Variants in C8orf74 observed in about 807,000 individuals in gnomAD.
C8orf74 encodes the protein uncharacterized protein C8orf74.
A neutral mutation model predicts 22.2 loss-of-function variants in C8orf74; 29 were observed. The observed-to-expected ratio is 1.31, with a 90% CI of 0.97 to 1.78. The LOEUF (loss-of-function observed/expected upper bound fraction) is 1.78, where lower values mean the gene tolerates loss of function less well. Ranked by LOEUF, C8orf74 falls within the 40% of genes most tolerant of loss-of-function variation. The pLI is 0.00. For missense variants in C8orf74, 515 were observed against 369.9 expected, an observed-to-expected ratio of 1.39 and a Z score of -3.22; for synonymous variants, 255 against 163.1, an observed-to-expected ratio of 1.56 and a Z score of -4.30.
chr8:10,698,693 T>C (rs1799585116), intron 3 of C8orf74, among the ~76,000 whole-genome samples: 1 of 152,180 alleles, frequency 6.6e-6, no homozygotes, highest in South Asian at 2.1e-4. Context: ...TAGCTATACA[T>C]AGGCACTGAA....
chr8:10,697,897 C>T lies in C8orf74; in HGVS notation c.540C>T (p.Ala180=), dbSNP rs765971938. 3 of 1,608,438 alleles carry T rather than the reference C, an allele frequency of 1.9e-6. No homozygotes were observed. Among genetic ancestry groups the T allele is most frequent in the South Asian group, 2.2e-5 (2 of 90,906 alleles). ...TLTEAEAQKR[A]DVLLLKEALR... ...CGGAGGCCGAGGCACAGAAGCGCGCCGACGTGCTGCTCCTGAAAGAGGCGC... is the reference window on the plus strand; with the variant it reads ...CGGAGGCCGAGGCACAGAAGCGCGCTGACGTGCTGCTCCTGAAAGAGGCGC... The change falls in exon 3 of 4, where the codon GCC becomes GCT. Residue 180 remains alanine, a synonymous_variant. Transcript: ENST00000304519.
At chr8:10,682,246 G>C (rs1318394048) in intron 2 of C8orf74, among the ~76,000 whole-genome samples, 1 of 152,208 alleles carries the variant, frequency 6.6e-6, no homozygotes, top group Non-Finnish European at 1.5e-5. Context: ...GATGGTGGAA[G>C]TCTCCACAGC....
intron 3 of C8orf74, among the ~76,000 whole-genome samples, chr8:10,699,866 A>G (rs1799615871): frequency 6.6e-6 from 1 of 152,236 alleles, no homozygotes; most frequent in South Asian, 2.1e-4. Flanking sequence ...AACAAATGAC[A>G]CACTCAAACA....
At chr8:10,688,464 A>G (rs1294463383) in intron 2 of C8orf74, 2 of 152,180 alleles carry the variant, frequency 1.3e-5, no homozygotes, top group Non-Finnish European at 2.9e-5. Flanking sequence ...TACCAGACAT[A>G]CCCTACTGCC....
At chr8:10,676,880 C>T (rs771687419) in intron 2 of C8orf74, among the ~76,000 whole-genome samples, 7 of 152,122 alleles carry the variant, frequency 4.6e-5, no homozygotes, top group Non-Finnish European at 8.8e-5. Context: ...GAATGTCAGC[C>T]GCAAGCAGGT....
intron 2 of C8orf74, chr8:10,689,897 G>A (rs930989981): frequency 2.6e-5 from 4 of 152,144 alleles, no homozygotes; most frequent in African/African-American, 9.7e-5. Flanking sequence ...TGGTCTTACC[G>A]TTTTGGGGGT....
chr8:10,700,120 G>A, intron 3 of C8orf74, 115 bp from the exon 4 acceptor site: 1 of 658,914 alleles, frequency 1.5e-6, no homozygotes, highest in Non-Finnish European at 2.5e-6. Flanking sequence ...CCCGTGGGCA[G>A]GGTGAGACGG....
chr8:10,679,532 A>G (rs960414350), intron 2 of C8orf74, among the ~76,000 whole-genome samples: 2 of 152,136 alleles, frequency 1.3e-5, no homozygotes, highest in Non-Finnish European at 2.9e-5. Flanking sequence ...ACCAGCCGTT[A>G]TCTATCCTCC....
chr8:10,674,738 C>A lies in C8orf74; in HGVS notation c.141C>A (p.Thr47=), dbSNP rs559437636. The change falls in exon 2 of 4, where the codon ACC becomes ACA. Residue 47 remains threonine, a synonymous_variant. Coordinates refer to ENST00000304519, the MANE Select transcript of C8orf74 (RefSeq NM_001040032.2). Reference sequence around the variant, plus strand: ...CCCGGAGGAGCATCCTGCTGGACACCCTCTACGAGAGCATCATCTTTGCAG... The same window carrying A: ...CCCGGAGGAGCATCCTGCTGGACACACTCTACGAGAGCATCATCTTTGCAG... ...RDSRRSILLD[T]LYESIIFAVG... is the part of the protein sequence containing the mutation. The A allele has an allele frequency of 6.2e-6, 10 of 1,607,448 alleles. No individual in the cohort carries two copies. In the South Asian group the frequency reaches 1.1e-4, roughly 18 times the overall value.
At chr8:10,690,995 G>A in intron 2 of C8orf74, 1 of 454,668 alleles carries the variant, frequency 2.2e-6, no homozygotes, top group East Asian at 7.0e-5. Context: ...GCAGCCAGCG[G>A]CTTCTCCCTG....
chr8:10,678,799 G>A (rs1440789949), intron 2 of C8orf74, among the ~76,000 whole-genome samples: 2 of 152,210 alleles, frequency 1.3e-5, no homozygotes, highest in South Asian at 4.1e-4. Context: ...AGAGCCCCAC[G>A]ACAGCCAGGC....
intron 2 of C8orf74, among the ~76,000 whole-genome samples, chr8:10,682,197 G>C (rs935031038): frequency 2.0e-5 from 3 of 152,178 alleles, no homozygotes; most frequent in African/African-American, 4.8e-5. Context: ...CCTCAGGCGA[G>C]ACCTGGAGGG....
chr8:10,684,863 C>T (rs1269804304), intron 2 of C8orf74, among the ~76,000 whole-genome samples: 1 of 152,206 alleles, frequency 6.6e-6, no homozygotes, highest in Non-Finnish European at 1.5e-5. Flanking sequence ...CCTTTGGGGC[C>T]ATCATTAAGT....
intron 2 of C8orf74, chr8:10,691,363 T>C (rs10097577): frequency 0.15 from 25,720 of 175,316 alleles, 6,521 homozygotes; most frequent in African/African-American, 0.54. Context: ...GATCTGGGTT[T>C]TGTGTACGGC....
At chr8:10,689,351 C>T (rs1436430386) in intron 2 of C8orf74, 2 of 152,182 alleles carry the variant, frequency 1.3e-5, no homozygotes, top group Non-Finnish European at 1.5e-5. Flanking sequence ...GAGATGTGCT[C>T]CTTGGTCCAG....
In C8orf74 at chr8:10,700,381, C is replaced by G; in HGVS notation, c.795C>G (p.Ile265Met). 1.1e-6 allele frequency: 1 copy of G among 927,834 alleles called. No homozygotes were observed. The highest frequency in any genetic ancestry group is 1.7e-5 in the African/African-American group (1 of 59,392). 57.5% of individuals were successfully genotyped at this position (927,834 alleles called of 1,614,324 possible). A position where few individuals can be genotyped will look rare whatever the true frequency, so the allele number is the denominator to read the frequency against. The change falls in exon 4 of 4, where the codon ATC (isoleucine) becomes ATG (methionine). Residue 265 changes from isoleucine to methionine, a missense_variant. Coordinates refer to ENST00000304519, the MANE Select transcript of C8orf74 (RefSeq NM_001040032.2). ...TGAACCTCAACGCCCCCACCCCTAT[C>G]CCGCCCCCCATCACCAGCCACGCAG... ...KTLNLNAPTP[I>M]PPPITSHAGQ...
At chr8:10,699,590 C>G (rs142127073) in intron 3 of C8orf74, among the ~76,000 whole-genome samples, 2 of 152,346 alleles carry the variant, frequency 1.3e-5, no homozygotes, top group East Asian at 3.9e-4. Flanking sequence ...GCTCTGTGGG[C>G]TATAACTCTG....
At chr8:10,691,361 T>G (rs1586046736) in intron 2 of C8orf74, 1 of 176,714 alleles carries the variant, frequency 5.7e-6, no homozygotes, top group East Asian at 1.4e-4. Flanking sequence ...CAGATCTGGG[T>G]TTTGTGTACG....
intron 2 of C8orf74, chr8:10,679,926 G>A (rs1233588907): frequency 6.5e-6 from 1 of 152,832 alleles, no homozygotes; most frequent in Admixed American, 6.5e-5. Context: ...CTCAGCTGGA[G>A]AGTGAGGAAG....
Sources: gnomAD v4.1 joint callset for allele counts (sites outside exome capture counted in the v4.1 genomes callset) on GRCh38, gnomAD v4.1.1 for gene constraint, MANE v1.5 for transcripts, NCBI Gene and HGNC (gene_info 2026-07-23, HGNC 2026-07-21) for gene names.